Variants in ANKS6 observed in about 807,000 individuals in gnomAD.
ANKS6 encodes ankyrin repeat and sterile alpha motif domain containing 6.
A neutral mutation model predicts 77.9 loss-of-function variants in ANKS6; 47 were observed. That is an observed-to-expected ratio of 0.60 (90% CI 0.48 to 0.77). The LOEUF (loss-of-function observed/expected upper bound fraction) is 0.77, where lower values mean the gene tolerates loss of function less well. ANKS6 is among the 30% of genes least tolerant of loss of function. ANKS6 has a pLI of 0.00. For missense variants in ANKS6, 1,150 were observed against 1,159.1 expected (o/e 0.99, Z 0.11); for synonymous variants, 488 against 501.7 (o/e 0.97, Z 0.37).
At chr9:98,744,823 G>A (rs1409985213) in intron 14 of ANKS6, among the ~76,000 whole-genome samples, 11 of 151,184 alleles carry the variant, frequency 7.3e-5, no homozygotes, top group Non-Finnish European at 1.3e-4. Flanking sequence ...GGCCAAGTGT[G>A]AAAAAGCAGC....
chr9:98,765,310 T>C (rs1025619435), intron 11 of ANKS6, among the ~76,000 whole-genome samples: 7 of 152,218 alleles, frequency 4.6e-5, no homozygotes, highest in South Asian at 2.1e-4. Context: ...TGTGAAATAT[T>C]TGAATTGTTC....
At position 98,733,430 on chromosome 9, in the gene ANKS6, C is replaced by T; in HGVS notation, c.*3089G>A. On this transcript the variant is annotated 3_prime_UTR_variant, in exon 15 of 15. Coordinates refer to ENST00000353234, the MANE Select transcript of ANKS6 (RefSeq NM_173551.5). ...CTCAATGCCCTCAGGCTGGAGAGCT[C>T]TCAGAACAGGGACCCTGCCATCTCA... is the stretch of plus-strand genomic sequence containing the variant. The T allele has an allele frequency of 4.1e-6, 4 of 985,424 alleles. No individual in the cohort carries two copies. Among genetic ancestry groups the T allele is most frequent in the Non-Finnish European group, 2.4e-6 (2 of 829,946 alleles). 61.0% of individuals were successfully genotyped at this position (985,424 alleles called of 1,614,324 possible).
rs768088516 is a variant in ANKS6 at position 98,736,619 on chromosome 9, C to T, written c.2516G>A (p.Arg839His). 1.2e-5 allele frequency: 19 copies of T among 1,607,718 alleles called. No homozygotes were observed. The highest frequency in any genetic ancestry group is 6.7e-5 in the South Asian group (6 of 89,790). ...AISELNAGKG[R>H]ERQILQETIH... ...GGTTTCCTGTAAAATTTGTCTCTCG[C>T]GTCCCTGTGGAGGAAATTGAAAACA... Residue 839 changes from arginine (R) to histidine (H), a missense_variant, in exon 15 of 15, where the codon CGC (arginine) becomes CAC (histidine). Coordinates refer to ENST00000353234, the MANE Select transcript of ANKS6 (RefSeq NM_173551.5).
chr9:98,750,118 A>G (rs1038842152), intron 13 of ANKS6, among the ~76,000 whole-genome samples: 4 of 152,210 alleles, frequency 2.6e-5, no homozygotes, highest in Non-Finnish European at 5.9e-5. Context: ...GAACATTTTC[A>G]TCACCCCCAA....
chr9:98,751,231 C>T (rs1166323897), intron 12 of ANKS6, 135 bp from the exon 13 acceptor site: 2 of 732,006 alleles, frequency 2.7e-6, no homozygotes, highest in Non-Finnish European at 4.4e-6. Flanking sequence ...AAGCTGATCT[C>T]AGCTGGACTC....
chr9:98,779,594 G>C (rs912300694), intron 6 of ANKS6, among the ~76,000 whole-genome samples: 1 of 151,672 alleles, frequency 6.6e-6, no homozygotes, highest in Non-Finnish European at 1.5e-5. Flanking sequence ...ACAAGTTCTT[G>C]TTCTGTCGCC....
At chr9:98,750,822 C>T (rs1588338492) in intron 13 of ANKS6, among the ~76,000 whole-genome samples, 2 of 152,140 alleles carry the variant, frequency 1.3e-5, no homozygotes, top group Non-Finnish European at 2.9e-5. Flanking sequence ...CTCAAAATTA[C>T]AAAATTCTAT....
Position 98,741,680 on chromosome 9 carries a change from G to A in ANKS6, c.2511+3879C>T, listed in dbSNP as rs145080869. On this transcript the variant is annotated intron_variant, in intron 14 of 14. Coordinates refer to ENST00000353234, the MANE Select transcript of ANKS6 (RefSeq NM_173551.5). ...TAAACCTCCAATATATAACTCATCC[G>A]AAACTAACAAACTAATGAGCAGACT... 2.3e-3 allele frequency among the ~76,000 whole-genome samples: 344 copies of A among 152,266 alleles called. 1 individual carries two copies. Among genetic ancestry groups the A allele is most frequent in the African/African-American group, 7.7e-3 (322 of 41,550 alleles).
intron 11 of ANKS6, among the ~76,000 whole-genome samples, chr9:98,759,829 G>T (rs924428579): frequency 2.6e-5 from 4 of 152,192 alleles, no homozygotes; most frequent in Admixed American, 2.6e-4. Context: ...GAGGATACTA[G>T]AAGGTGGGAA....
chr9:98,773,886 GC>G lies in ANKS6; in HGVS notation c.1811del (p.Gly604AlafsTer41). On this transcript the variant is annotated frameshift_variant, in exon 9 of 15. Coordinates refer to ENST00000353234, the MANE Select transcript of ANKS6 (RefSeq NM_173551.5). LOFTEE classifies it high-confidence loss of function. ...TCAGAAGACAACTTACAGTGTCTGT[GC>G]CCCCGCCGCCCACGGGGTGGCCCCT... ...ASRGHPVGGG[G>X]TDTTPVRPVK... is the part of the protein sequence containing the mutation. The G allele has an allele frequency of 1.9e-6, 3 of 1,558,028 alleles. No individual in the cohort carries two copies. The highest frequency in any genetic ancestry group is 1.7e-6 in the Non-Finnish European group (2 of 1,158,588).
chr9:98,734,132 A>T lies in ANKS6; in HGVS notation c.*2387T>A. 1.0e-6 allele frequency: 1 copy of T among 985,472 alleles called. No homozygotes were observed. Among genetic ancestry groups the T allele is most frequent in the Non-Finnish European group, 1.2e-6 (1 of 830,006 alleles). The allele number at this position is 985,472 out of a possible 1,614,324, so 61.0% of individuals were successfully genotyped here. On this transcript the variant is annotated 3_prime_UTR_variant, in exon 15 of 15. Coordinates refer to ENST00000353234, the MANE Select transcript of ANKS6 (RefSeq NM_173551.5). ...CCCTGCCTACCAGCCGCATCCAAAC[A>T]TCCCCAGAAAGGGTGCCAGGGACCT...
At position 98,736,183 on chromosome 9, in the gene ANKS6, T is replaced by G. The variant is rs572773577; in HGVS notation, c.*336A>C. 16 of 1,177,892 alleles carry G rather than the reference T, an allele frequency of 1.4e-5. No individual in the cohort carries two copies. Among genetic ancestry groups the G allele is most frequent in the Admixed American group, 4.1e-5 (1 of 24,388 alleles). 73.0% of individuals were successfully genotyped at this position (1,177,892 alleles called of 1,614,324 possible). A position where few individuals can be genotyped will look rare whatever the true frequency, so the allele number is the denominator to read the frequency against. On this transcript the variant is annotated 3_prime_UTR_variant, in exon 15 of 15. Transcript: ENST00000353234. ...GCAGCCGTGCCTTCTCCATCGTCCCTTTCCCTTGCCGCCAGCCAGAAGCAA... is the reference window on the plus strand; with the variant it reads ...GCAGCCGTGCCTTCTCCATCGTCCCGTTCCCTTGCCGCCAGCCAGAAGCAA...
At position 98,736,419 on chromosome 9, in the gene ANKS6, C is replaced by T. The variant is rs1164074503; in HGVS notation, c.*100G>A. The T allele has an allele frequency of 6.9e-7, 1 of 1,455,436 alleles. No homozygotes were observed. The highest frequency in any genetic ancestry group is 1.4e-5 in the African/African-American group (1 of 70,110). The allele number at this position is 1,455,436 out of a possible 1,614,324, so 90.2% of individuals were successfully genotyped here. A position where few individuals can be genotyped will look rare whatever the true frequency, so the allele number is the denominator to read the frequency against. ...ATCCCGAGCAAAGGGAACAACATGACTAAGGCACAGCAGTGTGACGGGGGC... is the reference window on the plus strand; with the variant it reads ...ATCCCGAGCAAAGGGAACAACATGATTAAGGCACAGCAGTGTGACGGGGGC... On this transcript the variant is annotated 3_prime_UTR_variant, in exon 15 of 15. Transcript: ENST00000353234.
At chr9:98,784,371 A>G (rs1351302038) in intron 3 of ANKS6, 7 of 474,052 alleles carry the variant, frequency 1.5e-5, no homozygotes, top group Non-Finnish European at 2.6e-5. Context: ...GAATGGGCAG[A>G]AGTGTTACCA....
intron 13 of ANKS6, among the ~76,000 whole-genome samples, chr9:98,748,021 T>C (rs971224008): frequency 2.6e-5 from 4 of 152,220 alleles, no homozygotes; most frequent in African/African-American, 9.6e-5. Flanking sequence ...TTCTCCAAAG[T>C]TCAGCTTAGC....
chr9:98,777,530 C>A (rs2118079034), intron 7 of ANKS6, 76 bp from the exon 8 acceptor site: 1 of 1,434,202 alleles, frequency 7.0e-7, no homozygotes. Flanking sequence ...CTGGGGCAGG[C>A]TTCAACCTGG....
At chr9:98,740,784 C>T (rs570478164) in intron 14 of ANKS6, among the ~76,000 whole-genome samples, 14 of 152,074 alleles carry the variant, frequency 9.2e-5, no homozygotes, top group Admixed American at 7.2e-4. Flanking sequence ...CCTGATAATT[C>T]TCAAAAGGAA....
chr9:98,741,130 T>C (rs1831804258), intron 14 of ANKS6, among the ~76,000 whole-genome samples: 1 of 152,222 alleles, frequency 6.6e-6, no homozygotes, highest in East Asian at 1.9e-4. Context: ...TTATACAAAG[T>C]TTGAAAATCT....
intron 14 of ANKS6, among the ~76,000 whole-genome samples, chr9:98,741,872 T>C: frequency 6.6e-6 from 1 of 152,250 alleles, no homozygotes; most frequent in East Asian, 1.9e-4. Context: ...TAAAAAATTT[T>C]AGGCCAAAAT....
Sources: allele counts gnomAD v4.1 joint callset (sites outside exome capture counted in the v4.1 genomes callset), GRCh38; gene constraint gnomAD v4.1.1; transcripts MANE v1.5; gene names NCBI Gene and HGNC (gene_info 2026-07-23, HGNC 2026-07-21).